GNAI1: variants seen among roughly 807,000 people sequenced by gnomAD.
The protein encoded by GNAI1 is guanine nucleotide-binding protein G(i) subunit alpha-1.
GNAI1 carries 11 observed loss-of-function variants against 38.9 expected under a neutral mutation model. The observed-to-expected ratio is 0.28, with a 90% CI of 0.18 to 0.47. GNAI1 has a LOEUF of 0.47. Among genes scored for constraint, GNAI1 ranks in the 20% least tolerant of loss-of-function variants. The pLI, the probability that GNAI1 is intolerant of heterozygous loss-of-function variation, is 0.99. For synonymous variants in GNAI1, 166 were observed against 145.1 expected, an observed-to-expected ratio of 1.14 and a Z score of -1.04; for missense variants, 317 against 436.9, an observed-to-expected ratio of 0.73 and a Z score of 2.45.
chr7:80,186,089 G>A (rs918070105), intron 1 of GNAI1, among the ~76,000 whole-genome samples: 1 of 138,084 alleles, frequency 7.2e-6, no homozygotes, highest in Non-Finnish European at 1.5e-5. Flanking sequence ...CTGGAGTGCA[G>A]CGGCACAATC....
intron 5 of GNAI1, among the ~76,000 whole-genome samples, chr7:80,205,704 A>G (rs983042374): frequency 4.6e-5 from 7 of 152,096 alleles, no homozygotes; most frequent in African/African-American, 1.7e-4. Context: ...ACAATACCAA[A>G]CAGAATTTTT....
At position 80,220,701 on chromosome 7, in the gene GNAI1, C is replaced by T. The variant is rs1441522779; in HGVS notation, c.*3208C>T. Among the ~76,000 whole-genome samples the T allele has an allele frequency of 1.3e-5, 2 of 152,144 alleles. No homozygotes were observed. The highest frequency in any genetic ancestry group is 2.9e-5 in the Non-Finnish European group (2 of 68,012). On this transcript the variant is annotated 3_prime_UTR_variant, in exon 8 of 8. Transcript: ENST00000649796. ...GTACTGATTAAAATCCATATGTTCT[C>T]ATTGAATACTGACAGTAACTAGAGA...
chr7:80,182,076 A>G (rs1010218072), intron 1 of GNAI1, among the ~76,000 whole-genome samples: 1 of 151,996 alleles, frequency 6.6e-6, no homozygotes, highest in East Asian at 1.9e-4. Context: ...TCACAGTTCT[A>G]TGCTGTTTCT....
Position 80,218,148 on chromosome 7 carries a change from T to G in GNAI1, c.*655T>G, listed in dbSNP as rs1447708028. ...GCCTTTGGATCAACTATTTAAACAT[T>G]GTATGCATTTTGATTTTTCCTACTT... On this transcript the variant is annotated 3_prime_UTR_variant, in exon 8 of 8. Coordinates refer to ENST00000649796, the MANE Select transcript of GNAI1 (RefSeq NM_002069.6). The G allele has an allele frequency of 6.6e-6, 1 of 152,324 alleles. No homozygotes were observed. The highest frequency in any genetic ancestry group is 1.9e-4 in the East Asian group (1 of 5,198). The allele number at this position is 152,324 out of a possible 1,614,324, so 9.4% of individuals were successfully genotyped here.
chr7:80,139,898 T>C (rs922767102), intron 1 of GNAI1, among the ~76,000 whole-genome samples: 9 of 130,164 alleles, frequency 6.9e-5, no homozygotes, highest in African/African-American at 2.1e-4. Context: ...ATTATGGCAC[T>C]TTGCCCTGCA....
intron 1 of GNAI1, among the ~76,000 whole-genome samples, chr7:80,168,449 A>G (rs1206592293): frequency 6.6e-5 from 10 of 152,094 alleles, no homozygotes; most frequent in Admixed American, 5.9e-4. Flanking sequence ...GTGCAGTGGC[A>G]CGATCTCGGC....
chr7:80,172,889 A>T (rs1788121130), intron 1 of GNAI1, among the ~76,000 whole-genome samples: 3 of 152,204 alleles, frequency 2.0e-5, no homozygotes, highest in South Asian at 4.1e-4. Context: ...GTAAAGATGG[A>T]ACCGAGGGTA....
At chr7:80,160,572 AT>A (rs1314658331) in intron 1 of GNAI1, among the ~76,000 whole-genome samples, 1 of 152,130 alleles carries the variant, frequency 6.6e-6, no homozygotes, top group East Asian at 1.9e-4. Context: ...AAACATTTTC[AT>A]TACGTTTTAA....
chr7:80,201,567 A>G (rs1451573231), intron 4 of GNAI1, among the ~76,000 whole-genome samples: 1 of 152,032 alleles, frequency 6.6e-6, no homozygotes, highest in Non-Finnish European at 1.5e-5. Flanking sequence ...AAAAGTAAAA[A>G]TAAAAAATTT....
intron 1 of GNAI1, among the ~76,000 whole-genome samples, chr7:80,143,529 C>T (rs1316574789): frequency 6.6e-6 from 1 of 152,064 alleles, no homozygotes; most frequent in South Asian, 2.1e-4. Flanking sequence ...TTTTCCATGT[C>T]TAAGGAATTT....
intron 5 of GNAI1, 59 bp from the exon 6 acceptor site, chr7:80,210,910 A>G (rs1454924798): frequency 1.3e-6 from 2 of 1,498,020 alleles, no homozygotes; most frequent in Non-Finnish European, 1.9e-6. Flanking sequence ...AGCATTAAAG[A>G]ACTTCTCAGA....
At chr7:80,179,284 G>A (rs2115594968) in intron 1 of GNAI1, among the ~76,000 whole-genome samples, 1 of 152,218 alleles carries the variant, frequency 6.6e-6, no homozygotes, top group Non-Finnish European at 1.5e-5. Flanking sequence ...ATCACTTGGA[G>A]GAATTGTTAA....
At chr7:80,146,606 G>C (rs1787628012) in intron 1 of GNAI1, among the ~76,000 whole-genome samples, 1 of 152,014 alleles carries the variant, frequency 6.6e-6, no homozygotes, top group African/African-American at 2.4e-5. Flanking sequence ...TCAAAATGCA[G>C]ATTCTCATTG....
intron 7 of GNAI1, among the ~76,000 whole-genome samples, chr7:80,215,024 C>T (rs1287843262): frequency 1.3e-5 from 2 of 152,112 alleles, no homozygotes; most frequent in Non-Finnish European, 2.9e-5. Flanking sequence ...TCAAACAGAA[C>T]TCTTTTTCTT....
intron 4 of GNAI1, among the ~76,000 whole-genome samples, chr7:80,202,070 GT>G (rs1186367496): frequency 6.6e-6 from 1 of 151,912 alleles, no homozygotes; most frequent in African/African-American, 2.4e-5. Flanking sequence ...AACTATAGCA[GT>G]TTTTTTGTTG....
intron 3 of GNAI1, among the ~76,000 whole-genome samples, chr7:80,189,951 T>TC (rs1788452562): frequency 6.6e-6 from 1 of 151,886 alleles, no homozygotes; most frequent in South Asian, 2.1e-4. Context: ...TCTTTTTTTT[T>TC]CTCTTATCTT....
chr7:80,220,354 T>C lies in GNAI1; in HGVS notation c.*2861T>C, dbSNP rs1357314732. Among the ~76,000 whole-genome samples, 1 of 152,182 alleles carries C rather than the reference T, an allele frequency of 6.6e-6. No homozygotes were observed. The highest frequency in any genetic ancestry group is 2.4e-5 in the African/African-American group (1 of 41,432). On this transcript the variant is annotated 3_prime_UTR_variant, in exon 8 of 8. Coordinates refer to ENST00000649796, the MANE Select transcript of GNAI1 (RefSeq NM_002069.6). ...TGGTGTGTAAAATGTATTGGCACTT[T>C]TAAATTTGGCACTTTTAAATTTGTT...
At position 80,220,823 on chromosome 7, in the gene GNAI1, A is replaced by G. The variant is rs531419609; in HGVS notation, c.*3330A>G. Among the ~76,000 whole-genome samples the G allele has an allele frequency of 6.2e-4, 94 of 152,310 alleles. No individual in the cohort carries two copies. The South Asian group carries it at 9.3e-3, about 15-fold the overall frequency. On this transcript the variant is annotated 3_prime_UTR_variant, in exon 8 of 8. Coordinates refer to ENST00000649796, the MANE Select transcript of GNAI1 (RefSeq NM_002069.6). The stretch of plus-strand genomic sequence containing the variant: ...CTCCATGTCTGTCAGAGGACCCCAA[A>G]GATGCTACCTTATTTCCAGAAAATG...
Position 80,219,736 on chromosome 7 carries a change from G to A in GNAI1, c.*2243G>A, listed in dbSNP as rs970032070. Among the ~76,000 whole-genome samples, 5 of 152,098 alleles carry A rather than the reference G, an allele frequency of 3.3e-5. No individual in the cohort carries two copies. Among genetic ancestry groups the A allele is most frequent in the South Asian group, 2.1e-4 (1 of 4,830 alleles). On this transcript the variant is annotated 3_prime_UTR_variant, in exon 8 of 8. Coordinates refer to ENST00000649796, the MANE Select transcript of GNAI1 (RefSeq NM_002069.6). ...TTCAATGGGGAACTTTTTAGTTTAA[G>A]TTCTGGGATACGTGTGCTGAACATG...
Sources: gnomAD v4.1 joint callset for allele counts (sites outside exome capture counted in the v4.1 genomes callset) on GRCh38, gnomAD v4.1.1 for gene constraint, MANE v1.5 for transcripts, NCBI Gene and HGNC (gene_info 2026-07-23, HGNC 2026-07-21) for gene names.